Variants in SCAMP1 observed in about 807,000 individuals in gnomAD.
The protein encoded by SCAMP1 is secretory carrier membrane protein 1, also known as secretory carrier-associated membrane protein 1.
In SCAMP1, 15 loss-of-function variants were observed where a neutral mutation model predicts 41.8. The ratio of observed to expected loss-of-function variants is 0.36; its 90% CI spans 0.24 to 0.55. SCAMP1 has a LOEUF of 0.55. Among genes scored for constraint, SCAMP1 ranks in the 20% least tolerant of loss-of-function variants. The probability of loss-of-function intolerance (pLI) is 0.86; values close to 1 mark genes in which losing one functional copy is unlikely to be tolerated. For missense variants in SCAMP1, 341 were observed against 412.6 expected (o/e 0.83, Z 1.50); for synonymous variants, 135 against 136.8 (o/e 0.99, Z 0.09).
chr5:78,372,840 G>A (rs1179971347), intron 1 of SCAMP1, among the ~76,000 whole-genome samples: 3 of 151,982 alleles, frequency 2.0e-5, no homozygotes, highest in Non-Finnish European at 4.4e-5. Flanking sequence ...GCAACTTGGG[G>A]TAAAATAAAT....
At chr5:78,418,687 TAG>T (rs1344427615) in intron 4 of SCAMP1, 86 bp from the exon 5 acceptor site, 2 of 831,588 alleles carry the variant, frequency 2.4e-6, no homozygotes, top group African/African-American at 3.5e-5. Flanking sequence ...GTTAACATAA[TAG>T]AGTTTTTCTT....
chr5:78,407,224 T>G (rs1751956666), intron 2 of SCAMP1, among the ~76,000 whole-genome samples: 2 of 152,194 alleles, frequency 1.3e-5, no homozygotes, highest in South Asian at 4.1e-4. Flanking sequence ...ATCCCTAAAG[T>G]AGAAGTTCTG....
rs555768676 is a variant in SCAMP1 at position 78,374,285 on chromosome 5, G to C, written c.57+13557G>C. The stretch of plus-strand genomic sequence containing the variant: ...TAGAGCCTCAGTTCCCCTAAATGCA[G>C]AATCTGAGGCAGAAGGCATATGTGT... On this transcript the variant is annotated intron_variant, in intron 1 of 8. Coordinates refer to ENST00000621999, the MANE Select transcript of SCAMP1 (RefSeq NM_004866.6). Among the ~76,000 whole-genome samples the C allele has an allele frequency of 7.9e-5, 12 of 152,200 alleles. 1 individual carries two copies. In the South Asian group the frequency reaches 2.5e-3, roughly 32 times the overall value.
intron 2 of SCAMP1, among the ~76,000 whole-genome samples, chr5:78,390,358 G>A (rs1036156742): frequency 6.6e-6 from 1 of 152,188 alleles, no homozygotes; most frequent in Non-Finnish European, 1.5e-5. Flanking sequence ...TCCAGGTTGG[G>A]ATCACTAAAG....
chr5:78,381,001 G>A (rs1751192081), intron 1 of SCAMP1, among the ~76,000 whole-genome samples: 1 of 152,108 alleles, frequency 6.6e-6, no homozygotes, highest in Admixed American at 6.5e-5. Context: ...GGGAGGTGGA[G>A]GTTGTGGTGA....
rs994303020 is a variant in SCAMP1, at chr5:78,361,745, G to A, written c.57+1017G>A. Among the ~76,000 whole-genome samples, 4 of 152,236 alleles carry A rather than the reference G, an allele frequency of 2.6e-5. No individual in the cohort carries two copies. In the East Asian group the frequency reaches 7.7e-4, roughly 29 times the overall value. ...TTCTCAATCCCCCCGGCCATGTGCA[G>A]TAGTAACTTTAATTTGCAGTCACAC... On this transcript the variant is annotated intron_variant, in intron 1 of 8. Transcript: ENST00000621999.
rs1754036960 is a variant in SCAMP1 at position 78,477,696 on chromosome 5, C to T, written c.*2028C>T. 2 of 152,028 alleles carry T rather than the reference C, an allele frequency of 1.3e-5. No homozygotes were observed. The highest frequency in any genetic ancestry group is 2.9e-5 in the Non-Finnish European group (2 of 67,940). 9.4% of individuals were successfully genotyped at this position (152,028 alleles called of 1,614,324 possible). ...TAAATAGCAAAGAATAATTAGAACC[C>T]ACATATCTTTTTTTGTGTGGATGGG... On this transcript the variant is annotated 3_prime_UTR_variant, in exon 9 of 9. Transcript: ENST00000621999.
intron 1 of SCAMP1, among the ~76,000 whole-genome samples, chr5:78,373,297 T>A (rs1446970859): frequency 6.6e-6 from 1 of 152,192 alleles, no homozygotes; most frequent in Non-Finnish European, 1.5e-5. Flanking sequence ...TTAAAAATGT[T>A]TATATTAAAT....
At chr5:78,365,213 G>A (rs1285490259) in intron 1 of SCAMP1, among the ~76,000 whole-genome samples, 2 of 151,974 alleles carry the variant, frequency 1.3e-5, no homozygotes, top group Non-Finnish European at 2.9e-5. Flanking sequence ...AGTGGCTCAC[G>A]CCTGTAATCC....
intron 2 of SCAMP1, among the ~76,000 whole-genome samples, chr5:78,401,271 T>C (rs970795556): frequency 1.3e-5 from 2 of 152,162 alleles, no homozygotes; most frequent in Middle Eastern, 3.2e-3. Context: ...TGCATCCATG[T>C]TCATCAGAGA....
At chr5:78,475,280 T>C (rs967475145) in intron 8 of SCAMP1, among the ~76,000 whole-genome samples, 1 of 152,124 alleles carries the variant, frequency 6.6e-6, no homozygotes, top group Non-Finnish European at 1.5e-5. Context: ...TGGTTTAAAT[T>C]AGCATAATTA....
chr5:78,457,582 C>A (rs1262831908), intron 7 of SCAMP1, among the ~76,000 whole-genome samples: 1 of 152,204 alleles, frequency 6.6e-6, no homozygotes, highest in South Asian at 2.1e-4. Context: ...CCACTGCTCT[C>A]TTCAAAGCTG....
At position 78,446,877 on chromosome 5, in the gene SCAMP1, G is replaced by A. The variant is rs1282254293; in HGVS notation, c.633-3056G>A. Among the ~76,000 whole-genome samples the A allele has an allele frequency of 2.0e-5, 3 of 151,990 alleles. No homozygotes were observed. The East Asian group carries it at 5.8e-4, about 29-fold the overall frequency. ...TTAAAATTTGCTCTTTTGTGACTCA[G>A]GGGAAATGGCTGATTCTAGAGTAGG... On this transcript the variant is annotated intron_variant, in intron 6 of 8. Transcript: ENST00000621999.
chr5:78,453,671 T>G (rs1218896489), intron 7 of SCAMP1, among the ~76,000 whole-genome samples: 2 of 152,214 alleles, frequency 1.3e-5, no homozygotes, highest in African/African-American at 4.8e-5. Flanking sequence ...CGATGCGGGC[T>G]CTTTTTTGGT....
rs1269537970 is a variant in SCAMP1 at position 78,476,880 on chromosome 5, A to C, written c.*1212A>C. Reference sequence around the variant, plus strand: ...AACTGCATTAAGATAATCACGTTAAAATTGTTACTATGCAGCACAGAACTT... The same window carrying C: ...AACTGCATTAAGATAATCACGTTAACATTGTTACTATGCAGCACAGAACTT... On this transcript the variant is annotated 3_prime_UTR_variant, in exon 9 of 9. Transcript: ENST00000621999. The C allele has an allele frequency of 1.3e-5, 2 of 152,240 alleles. No individual in the cohort carries two copies. The highest frequency in any genetic ancestry group is 4.8e-5 in the African/African-American group (2 of 41,454). 9.4% of individuals were successfully genotyped at this position (152,240 alleles called of 1,614,324 possible). A position where few individuals can be genotyped will look rare whatever the true frequency, so the allele number is the denominator to read the frequency against.
chr5:78,396,818 T>A (rs1751662425), intron 2 of SCAMP1, among the ~76,000 whole-genome samples: 1 of 152,242 alleles, frequency 6.6e-6, no homozygotes. Flanking sequence ...TGATAAACTA[T>A]CAATGCTGAT....
intron 6 of SCAMP1, 143 bp from the exon 7 acceptor site, chr5:78,449,790 T>C: frequency 1.9e-6 from 1 of 536,802 alleles, no homozygotes; most frequent in Non-Finnish European, 3.2e-6. Flanking sequence ...CCTCAGGTGG[T>C]TGCCACTTTT....
intron 2 of SCAMP1, among the ~76,000 whole-genome samples, chr5:78,413,656 G>T (rs1222842746): frequency 1.3e-5 from 2 of 152,066 alleles, no homozygotes; most frequent in African/African-American, 4.8e-5. Flanking sequence ...GAGCTCAGGC[G>T]ATCTGCCCAC....
intron 6 of SCAMP1, among the ~76,000 whole-genome samples, chr5:78,445,576 C>T (rs1222025751): frequency 1.3e-5 from 2 of 151,996 alleles, no homozygotes; most frequent in Non-Finnish European, 2.9e-5. Flanking sequence ...TTTCTGGTCT[C>T]TTCCTGCACG....
Sources: gnomAD v4.1 joint callset for allele counts (sites outside exome capture counted in the v4.1 genomes callset) on GRCh38, gnomAD v4.1.1 for gene constraint, MANE v1.5 for transcripts, NCBI Gene and HGNC (gene_info 2026-07-23, HGNC 2026-07-21) for gene names.